The following LPP variants were observed in gnomAD, a reference collection of about 807,000 sequenced individuals.
LPP encodes LIM domain containing preferred translocation partner in lipoma.
A neutral mutation model predicts 60.4 loss-of-function variants in LPP; 38 were observed. That is an observed-to-expected ratio of 0.63 (90% CI 0.49 to 0.83). LPP has a LOEUF of 0.83. Among genes scored for constraint, LPP ranks in the 40% least tolerant of loss-of-function variants. The pLI, the probability that LPP is intolerant of heterozygous loss-of-function variation, is 0.00. For synonymous variants in LPP, 328 were observed against 290.8 expected, an observed-to-expected ratio of 1.13 and a Z score of -1.30; for missense variants, 902 against 783.6, an observed-to-expected ratio of 1.15 and a Z score of -1.80.
At chr3:188,811,343 G>A (rs952670687) in intron 9 of LPP, among the ~76,000 whole-genome samples, 2 of 130,728 alleles carry the variant, frequency 1.5e-5, no homozygotes, top group African/African-American at 6.1e-5. Flanking sequence ...AAATGATTAA[G>A]TGCTGTATAC....
chr3:188,759,797 G>A (rs1731540050), intron 8 of LPP, among the ~76,000 whole-genome samples: 2 of 152,138 alleles, frequency 1.3e-5, no homozygotes, highest in South Asian at 4.1e-4. Context: ...ATACTTGCAT[G>A]TGAGATGAGA....
chr3:188,442,279 A>T (rs1396004376), intron 4 of LPP, among the ~76,000 whole-genome samples: 1 of 151,962 alleles, frequency 6.6e-6, no homozygotes, highest in Non-Finnish European at 1.5e-5. Flanking sequence ...CCCCAGCCCC[A>T]CACACCCCAA....
intron 2 of LPP, among the ~76,000 whole-genome samples, chr3:188,316,276 C>T (rs956510276): frequency 3.3e-5 from 5 of 152,006 alleles, no homozygotes; most frequent in African/African-American, 1.2e-4. Flanking sequence ...GAAACTCTGT[C>T]TCAAAAAAAC....
At position 188,571,257 on chromosome 3, in the gene LPP, AGAC is replaced by A. The variant is rs1158995296; in HGVS notation, c.430-37903_430-37901del. Among the ~76,000 whole-genome samples, 37 of 152,228 alleles carry A rather than the reference AGAC, an allele frequency of 2.4e-4. No homozygotes were observed. In the Middle Eastern group the frequency reaches 0.017, roughly 70 times the overall value. Reference sequence around the variant, plus strand: ...CACATTCATGTTCATGTATAAACATAGACACCAATATAAAACTAAATGCAATAA... The same window carrying A: ...CACATTCATGTTCATGTATAAACATAACCAATATAAAACTAAATGCAATAA... On this transcript the variant is annotated intron_variant, in intron 6 of 11. Transcript: ENST00000617246.
intron 9 of LPP, among the ~76,000 whole-genome samples, chr3:188,774,150 G>C (rs1047563572): frequency 1.3e-5 from 2 of 152,144 alleles, no homozygotes; most frequent in African/African-American, 4.8e-5. Flanking sequence ...TATGCTAACA[G>C]ATGTCCTGTC....
At chr3:188,785,780 C>A (rs1481658275) in intron 9 of LPP, among the ~76,000 whole-genome samples, 1 of 151,872 alleles carries the variant, frequency 6.6e-6, no homozygotes, top group Non-Finnish European at 1.5e-5. Flanking sequence ...TAAGGAATCT[C>A]CACATTGTTT....
intron 6 of LPP, among the ~76,000 whole-genome samples, chr3:188,602,965 C>T (rs776648396): frequency 9.9e-4 from 150 of 151,298 alleles, no homozygotes; most frequent in Non-Finnish European, 1.9e-3. Flanking sequence ...TTGTAAAGTG[C>T]ACCTCATGCA....
chr3:188,622,561 CTTTTT>C (rs1189623124), intron 7 of LPP, among the ~76,000 whole-genome samples: 3 of 151,736 alleles, frequency 2.0e-5, no homozygotes, highest in African/African-American at 7.3e-5. Context: ...TATATTACTG[CTTTTT>C]TTTAAGTTTT....
At chr3:188,586,532 G>A (rs1837486079) in intron 6 of LPP, among the ~76,000 whole-genome samples, 1 of 152,154 alleles carries the variant, frequency 6.6e-6, no homozygotes, top group South Asian at 2.1e-4. Context: ...AGTCGTTAGA[G>A]TGTCTGTTTC....
At chr3:188,779,449 T>C (rs899245544) in intron 9 of LPP, among the ~76,000 whole-genome samples, 1 of 152,180 alleles carries the variant, frequency 6.6e-6, no homozygotes, top group Non-Finnish European at 1.5e-5. Flanking sequence ...ACTCATCACA[T>C]GTGCCGTTTG....
intron 2 of LPP, among the ~76,000 whole-genome samples, chr3:188,317,798 A>AG (rs1755536438): frequency 6.6e-6 from 1 of 151,032 alleles, no homozygotes; most frequent in African/African-American, 2.4e-5. Flanking sequence ...GGGGGGAAAA[A>AG]TGAAGCTCTG....
In LPP at chr3:188,878,246, C is replaced by T. The variant is rs1316306469; in HGVS notation, c.*3767C>T. On this transcript the variant is annotated 3_prime_UTR_variant, in exon 12 of 12. Coordinates refer to ENST00000617246, the MANE Select transcript of LPP (RefSeq NM_001375462.1). ...TTGTCAAATCTGTGTCGGCTGCCCC[C>T]TGATCCTTCCATTATCAAGTTTTGA... The T allele has an allele frequency of 1.4e-5, 3 of 219,010 alleles. No individual in the cohort carries two copies. Among genetic ancestry groups the T allele is most frequent in the East Asian group, 6.7e-5 (1 of 14,906 alleles). The allele number at this position is 219,010 out of a possible 1,614,324, so 13.6% of individuals were successfully genotyped here.
intron 2 of LPP, among the ~76,000 whole-genome samples, chr3:188,326,243 A>G (rs186009044): frequency 1.8e-3 from 271 of 152,330 alleles, no homozygotes; most frequent in Non-Finnish European, 3.2e-3. Flanking sequence ...TGATGTGCGT[A>G]TGTGAACCTT....
intron 2 of LPP, among the ~76,000 whole-genome samples, chr3:188,292,225 A>G (rs1746242392): frequency 6.6e-6 from 1 of 152,356 alleles, no homozygotes; most frequent in Non-Finnish European, 1.5e-5. Flanking sequence ...CAAACTTGCT[A>G]TATGAATTTA....
chr3:188,429,004 G>A (rs1469545565), intron 4 of LPP, among the ~76,000 whole-genome samples: 1 of 152,014 alleles, frequency 6.6e-6, no homozygotes, highest in Non-Finnish European at 1.5e-5. Flanking sequence ...AAATCCTAGG[G>A]AAAGGAACAA....
intron 4 of LPP, among the ~76,000 whole-genome samples, chr3:188,465,752 G>A (rs540093949): frequency 6.6e-6 from 1 of 152,280 alleles, no homozygotes; most frequent in Admixed American, 6.5e-5. Context: ...CCTGTGACTG[G>A]ATGTCTTGTT....
intron 8 of LPP, among the ~76,000 whole-genome samples, chr3:188,722,930 A>G (rs1234826113): frequency 1.3e-5 from 2 of 152,228 alleles, no homozygotes; most frequent in East Asian, 3.8e-4. Flanking sequence ...TGTTAACGTC[A>G]GTGTTTATCT....
intron 4 of LPP, among the ~76,000 whole-genome samples, chr3:188,462,544 T>C (rs1464511): frequency 2.9e-5 from 1 of 34,206 alleles, no homozygotes; most frequent in African/African-American, 7.8e-5. Context: ...TATATGAGCT[T>C]TATATATATA....
chr3:188,406,408 T>C (rs949101174), intron 4 of LPP, 95 bp downstream of exon 4: 3 of 1,202,482 alleles, frequency 2.5e-6, no homozygotes, highest in Non-Finnish European at 3.5e-6. Flanking sequence ...AAAACGTAGT[T>C]TGTGAATTCA....
Sources: gnomAD v4.1 joint callset for allele counts (sites outside exome capture counted in the v4.1 genomes callset) on GRCh38, gnomAD v4.1.1 for gene constraint, MANE v1.5 for transcripts, NCBI Gene and HGNC (gene_info 2026-07-23, HGNC 2026-07-21) for gene names.